RASGEF1C: variants seen among roughly 807,000 people sequenced by gnomAD.
RASGEF1C encodes the protein RasGEF domain family member 1C, also known as ras-GEF domain-containing family member 1C.
RASGEF1C carries 27 observed loss-of-function variants against 58.1 expected under a neutral mutation model. That is an observed-to-expected ratio of 0.46 (90% CI 0.34 to 0.64). The LOEUF (loss-of-function observed/expected upper bound fraction) is 0.64. Among genes scored for constraint, RASGEF1C ranks in the 30% least tolerant of loss-of-function variants. The pLI is 0.01. For missense variants in RASGEF1C, 502 were observed against 605.1 expected (o/e 0.83, Z 1.79); for synonymous variants, 243 against 246.3 (o/e 0.99, Z 0.13).
rs185731017 is a variant in RASGEF1C, at chr5:180,105,301, G to A, written c.1304-3158C>T. On this transcript the variant is annotated intron_variant, in intron 12 of 13. Coordinates refer to ENST00000361132, the MANE Select transcript of RASGEF1C (RefSeq NM_175062.4). The stretch of plus-strand genomic sequence containing the variant: ...TACTTTGCCAGGCGCGGTGGCTCAC[G>A]CCTGTCATCCCAGCACTTTGGGAGG... Among the ~76,000 whole-genome samples, 1,096 of 150,268 alleles carry A rather than the reference G, an allele frequency of 7.3e-3. 15 individuals carry two copies. The highest frequency in any genetic ancestry group is 0.026 in the African/African-American group (1,043 of 40,820).
chr5:180,207,660 C>G (rs1260956929), intron 1 of RASGEF1C, among the ~76,000 whole-genome samples: 4 of 152,164 alleles, frequency 2.6e-5, no homozygotes, highest in Non-Finnish European at 5.9e-5. Context: ...CCCGGCAGTG[C>G]GCCCACCCGC....
chr5:180,113,457 C>T (rs1391535656), intron 11 of RASGEF1C, among the ~76,000 whole-genome samples: 1 of 51,162 alleles, frequency 2.0e-5, no homozygotes, highest in African/African-American at 7.2e-5. Flanking sequence ...ACGGAGGGAC[C>T]GGGGATGGAC....
intron 1 of RASGEF1C, among the ~76,000 whole-genome samples, chr5:180,162,932 G>A (rs79710858): frequency 0.03 from 4,490 of 152,074 alleles, 95 homozygotes; most frequent in South Asian, 0.094. Flanking sequence ...TTTTCAGCAC[G>A]CAGATACTGC....
At chr5:180,194,491 C>T (rs1756230274) in intron 1 of RASGEF1C, among the ~76,000 whole-genome samples, 1 of 152,234 alleles carries the variant, frequency 6.6e-6, no homozygotes, top group African/African-American at 2.4e-5. Context: ...ACGGGGTCTA[C>T]GCTCAAGTCC....
chr5:180,193,318 G>A lies in RASGEF1C; in HGVS notation c.-7+15710C>T, dbSNP rs910030859. ...GATCCGCCTGCCTCGGCCTCCCAAA[G>A]TGCTGGGATTACAGGCGTGAGCCAC... On this transcript the variant is annotated intron_variant, in intron 1 of 13. Transcript: ENST00000361132. Among the ~76,000 whole-genome samples the A allele has an allele frequency of 7.9e-5, 12 of 151,868 alleles. No individual in the cohort carries two copies. The East Asian group carries it at 2.3e-3, about 29-fold the overall frequency.
intron 12 of RASGEF1C, 136 bp downstream of exon 12, chr5:180,111,321 T>C (rs571813473): frequency 2.7e-5 from 31 of 1,166,994 alleles, no homozygotes; most frequent in Non-Finnish European, 3.8e-5. Flanking sequence ...GAGCCCTCCT[T>C]GTTCCCTCCC....
chr5:180,144,031 C>G (rs1470588345), intron 1 of RASGEF1C, among the ~76,000 whole-genome samples: 1 of 152,166 alleles, frequency 6.6e-6, no homozygotes, highest in Non-Finnish European at 1.5e-5. Context: ...AGCAGTCCCC[C>G]TCTTCAGGTT....
chr5:180,149,213 A>G (rs1766708483), intron 1 of RASGEF1C, among the ~76,000 whole-genome samples: 1 of 149,068 alleles, frequency 6.7e-6, no homozygotes, highest in Non-Finnish European at 1.5e-5. Context: ...TCAGCCTCCC[A>G]AGTAGTTGGG....
chr5:180,132,969 GAAAA>G (rs34307583), intron 4 of RASGEF1C, among the ~76,000 whole-genome samples: 2 of 99,208 alleles, frequency 2.0e-5, no homozygotes, highest in African/African-American at 7.9e-5. Context: ...CTCCGTCTCA[GAAAA>G]AAAAAAAAAA....
intron 1 of RASGEF1C, among the ~76,000 whole-genome samples, chr5:180,181,800 C>G (rs1767333289): frequency 6.6e-6 from 1 of 152,140 alleles, no homozygotes; most frequent in Admixed American, 6.5e-5. Context: ...AAACACAAGG[C>G]TGAGTGGAGC....
At chr5:180,116,159 T>C (rs1336507257) in intron 10 of RASGEF1C, among the ~76,000 whole-genome samples, 6 of 152,182 alleles carry the variant, frequency 3.9e-5, no homozygotes, top group Admixed American at 6.5e-5. Flanking sequence ...CCACCCCCCA[T>C]GTCTGACCTG....
At chr5:180,173,878 A>G (rs139646606) in intron 1 of RASGEF1C, among the ~76,000 whole-genome samples, 3,271 of 148,368 alleles carry the variant, frequency 0.022, 132 homozygotes, top group African/African-American at 0.076. Context: ...GTGCCACTGC[A>G]CTCCAGCCTG....
At chr5:180,182,328 C>T (rs573097103) in intron 1 of RASGEF1C, among the ~76,000 whole-genome samples, 1 of 150,230 alleles carries the variant, frequency 6.7e-6, no homozygotes, top group African/African-American at 2.5e-5. Flanking sequence ...GTCTCGCTGA[C>T]TTCAAGAATG....
Position 180,114,542 on chromosome 5 carries a change from C to CAGGCTGAAGAAAGGAA in RASGEF1C, c.1084-2_1084-1insTTCCTTTCTTCAGCCT. ...GCAGGCTGAAGAAAGGAATGACAAT[C>CAGGCTGAAGAAAGGAA]TGGAAGAAAGAGGGGGCAGGTCGGC... On this transcript the variant is annotated splice_acceptor_variant, in intron 10 of 13. Transcript: ENST00000361132. LOFTEE classifies it high-confidence loss of function. 6.2e-7 allele frequency: 1 copy of CAGGCTGAAGAAAGGAA among 1,609,398 alleles called. No individual in the cohort carries two copies. The highest frequency in any genetic ancestry group is 8.5e-7 in the Non-Finnish European group (1 of 1,177,046).
intron 1 of RASGEF1C, among the ~76,000 whole-genome samples, chr5:180,178,043 C>G (rs1347018806): frequency 1.3e-5 from 2 of 151,278 alleles, no homozygotes; most frequent in Non-Finnish European, 2.9e-5. Flanking sequence ...CTCGGCTCAC[C>G]GCAACTTTCG....
chr5:180,125,684 A>C (rs1218880304), intron 6 of RASGEF1C, among the ~76,000 whole-genome samples: 1 of 152,100 alleles, frequency 6.6e-6, no homozygotes, highest in African/African-American at 2.4e-5. Context: ...CGGGAGGCTG[A>C]GGCAGGAGAA....
At chr5:180,173,732 G>A (rs1053527074) in intron 1 of RASGEF1C, among the ~76,000 whole-genome samples, 3 of 152,080 alleles carry the variant, frequency 2.0e-5, no homozygotes, top group East Asian at 3.9e-4. Context: ...GGCCAACATG[G>A]TGAAACCCCG....
rs955717733 is a variant in RASGEF1C, at chr5:180,198,205, C to T, written c.-7+10823G>A. On this transcript the variant is annotated intron_variant, in intron 1 of 13. Coordinates refer to ENST00000361132, the MANE Select transcript of RASGEF1C (RefSeq NM_175062.4). This position sits in a 1 kb window ranked among gnomAD's most constrained non-coding sequence, Gnocchi z 4.5. ...GGACAAAAGCGCACCCTTCTGCAGG[C>T]CCCAGCCCCAGACAGCGCCACCCAG... is the stretch of plus-strand genomic sequence containing the variant. Among the ~76,000 whole-genome samples, 1 of 152,218 alleles carries T rather than the reference C, an allele frequency of 6.6e-6. No individual in the cohort carries two copies. The highest frequency in any genetic ancestry group is 1.5e-5 in the Non-Finnish European group (1 of 68,036).
chr5:180,172,286 G>A (rs1767124239), intron 1 of RASGEF1C, among the ~76,000 whole-genome samples: 1 of 152,116 alleles, frequency 6.6e-6, no homozygotes, highest in Admixed American at 6.5e-5. Context: ...CCTCCCACCT[G>A]CTCCCCCAGC....
Sources: gnomAD v4.1 joint callset for allele counts (sites outside exome capture counted in the v4.1 genomes callset) on GRCh38, gnomAD v4.1.1 for gene constraint, Gnocchi (gnomAD v3.1) non-coding constraint, MANE v1.5 for transcripts, NCBI Gene and HGNC (gene_info 2026-07-23, HGNC 2026-07-21) for gene names.